PACRG: variants seen among roughly 807,000 people sequenced by gnomAD.
The protein encoded by PACRG is parkin coregulated, also known as parkin coregulated gene protein.
In PACRG, 29 loss-of-function variants were observed where a neutral mutation model predicts 29.7. That is an observed-to-expected ratio of 0.98 (90% CI 0.73 to 1.33). The LOEUF (loss-of-function observed/expected upper bound fraction) is 1.33. Among genes scored for constraint, PACRG ranks in the 40% most tolerant of loss-of-function variants. The pLI, the probability that PACRG is intolerant of heterozygous loss-of-function variation, is 0.00. For synonymous variants in PACRG, 116 were observed against 118.7 expected, an observed-to-expected ratio of 0.98 and a Z score of 0.15; for missense variants, 279 against 316.2, an observed-to-expected ratio of 0.88 and a Z score of 0.89.
intron 4 of PACRG, among the ~76,000 whole-genome samples, chr6:163,123,408 T>C (rs185600375): frequency 5.8e-4 from 88 of 152,368 alleles, no homozygotes; most frequent in Middle Eastern, 3.4e-3. Flanking sequence ...TTTTTCAAGC[T>C]GCTTTCTGTT....
At chr6:162,999,182 T>G (rs982125142) in intron 2 of PACRG, among the ~76,000 whole-genome samples, 1 of 152,122 alleles carries the variant, frequency 6.6e-6, no homozygotes, top group Non-Finnish European at 1.5e-5. Context: ...TGGGCAGAAA[T>G]AAACATAAAT....
intron 2 of PACRG, among the ~76,000 whole-genome samples, chr6:162,986,707 G>T (rs1322417914): frequency 2.0e-5 from 3 of 152,054 alleles, no homozygotes; most frequent in Admixed American, 2.0e-4. Context: ...ATGATAATTA[G>T]ATAGGACTTT....
At chr6:162,798,034 T>A (rs1360448830) in intron 1 of PACRG, among the ~76,000 whole-genome samples, 2 of 152,160 alleles carry the variant, frequency 1.3e-5, no homozygotes, top group African/African-American at 4.8e-5. Flanking sequence ...AATTAGTAAG[T>A]TTTGCTGCTC....
At chr6:162,816,986 G>A (rs1364833586) in intron 2 of PACRG, among the ~76,000 whole-genome samples, 1 of 152,094 alleles carries the variant, frequency 6.6e-6, no homozygotes, top group East Asian at 1.9e-4. Flanking sequence ...CGAGGATACC[G>A]GCCCTCTCTC....
At chr6:163,226,920 G>T (rs1326203998) in intron 4 of PACRG, among the ~76,000 whole-genome samples, 2 of 152,164 alleles carry the variant, frequency 1.3e-5, no homozygotes, top group African/African-American at 4.8e-5. Flanking sequence ...ATCCTTTGTA[G>T]TTCATAAGTG....
chr6:163,122,956 G>T (rs911506313), intron 4 of PACRG, among the ~76,000 whole-genome samples: 2 of 152,016 alleles, frequency 1.3e-5, no homozygotes, highest in Non-Finnish European at 2.9e-5. Context: ...GAAACACCAG[G>T]GTCCTTTGTC....
intron 2 of PACRG, among the ~76,000 whole-genome samples, chr6:162,982,192 T>G (rs370637157): frequency 1.7e-4 from 26 of 152,052 alleles, no homozygotes; most frequent in African/African-American, 4.6e-4. Flanking sequence ...CTTCTTTTCT[T>G]CTTGGTTAAC....
chr6:163,057,712 C>T (rs1359178211), intron 2 of PACRG, among the ~76,000 whole-genome samples: 1 of 152,190 alleles, frequency 6.6e-6, no homozygotes, highest in Non-Finnish European at 1.5e-5. Flanking sequence ...GGCTAGGAGC[C>T]AAGCCAAGGA....
chr6:162,778,026 A>G (rs1280756440), intron 1 of PACRG, among the ~76,000 whole-genome samples: 2 of 152,186 alleles, frequency 1.3e-5, no homozygotes, highest in Non-Finnish European at 2.9e-5. Flanking sequence ...CAGGCCTCAC[A>G]GAGCACACAG....
At chr6:163,123,338 C>G (rs941042088) in intron 4 of PACRG, among the ~76,000 whole-genome samples, 4 of 152,218 alleles carry the variant, frequency 2.6e-5, no homozygotes, top group African/African-American at 9.6e-5. Context: ...CGGGAACCGC[C>G]ATGTCGGGTG....
intron 2 of PACRG, among the ~76,000 whole-genome samples, chr6:162,994,770 TC>T (rs1167243790): frequency 6.6e-6 from 1 of 150,534 alleles, no homozygotes; most frequent in Non-Finnish European, 1.5e-5. Context: ...CCAGCTTTGT[TC>T]CGTTGCTGGT....
intron 2 of PACRG, among the ~76,000 whole-genome samples, chr6:163,016,690 T>A (rs191501008): frequency 6.6e-6 from 1 of 152,228 alleles, no homozygotes; most frequent in Admixed American, 6.5e-5. Flanking sequence ...ATGAGAGCAT[T>A]TTCATCTTTC....
At chr6:162,739,950 T>A in intron 1 of PACRG, among the ~76,000 whole-genome samples, 1 of 152,338 alleles carries the variant, frequency 6.6e-6, no homozygotes, top group South Asian at 2.1e-4. Context: ...CACACATACA[T>A]TGTTAATTAT....
intron 4 of PACRG, among the ~76,000 whole-genome samples, chr6:163,208,392 A>G (rs1253008556): frequency 1.3e-5 from 2 of 148,768 alleles, no homozygotes; most frequent in African/African-American, 5.1e-5. Flanking sequence ...TGCAGAGATC[A>G]GAATCTAAGC....
rs186611875 is a variant in PACRG at position 162,751,507 on chromosome 6, G to A, written c.156+23116G>A. 4.7e-3 allele frequency among the ~76,000 whole-genome samples: 716 copies of A among 151,958 alleles called. 1 individual carries two copies. Among genetic ancestry groups the A allele is most frequent in the Middle Eastern group, 0.017 (5 of 294 alleles). Reference sequence around the variant, plus strand: ...TTTTTTTTGTAAGACATGATAAAAAGTATGAGTTTTCTATAAAATCAAGTT... The same window carrying A: ...TTTTTTTTGTAAGACATGATAAAAAATATGAGTTTTCTATAAAATCAAGTT... On this transcript the variant is annotated intron_variant, in intron 1 of 4. Coordinates refer to ENST00000366888, the MANE Select transcript of PACRG (RefSeq NM_001080379.2).
chr6:163,195,893 C>T (rs977712643), intron 4 of PACRG, among the ~76,000 whole-genome samples: 3 of 152,210 alleles, frequency 2.0e-5, no homozygotes, highest in East Asian at 3.9e-4. Flanking sequence ...CCTCCCAGCT[C>T]GGGATCTCTC....
At chr6:163,112,836 C>T (rs1403003310) in intron 4 of PACRG, among the ~76,000 whole-genome samples, 1 of 152,122 alleles carries the variant, frequency 6.6e-6, no homozygotes, top group Non-Finnish European at 1.5e-5. Flanking sequence ...CAACAAAAAT[C>T]ACAAGGCATA....
intron 1 of PACRG, among the ~76,000 whole-genome samples, chr6:162,766,338 G>T (rs1043356186): frequency 6.6e-6 from 1 of 151,966 alleles, no homozygotes; most frequent in Non-Finnish European, 1.5e-5. Context: ...GGCTTATTTC[G>T]CTTGATGTTT....
At chr6:163,063,561 A>G (rs539432074) in intron 3 of PACRG, among the ~76,000 whole-genome samples, 1 of 152,296 alleles carries the variant, frequency 6.6e-6, no homozygotes, top group East Asian at 1.9e-4. Flanking sequence ...ATTCATTCGA[A>G]TTTATCCATT....
Sources: allele counts gnomAD v4.1 joint callset (sites outside exome capture counted in the v4.1 genomes callset), GRCh38; gene constraint gnomAD v4.1.1; transcripts MANE v1.5; gene names NCBI Gene and HGNC (gene_info 2026-07-23, HGNC 2026-07-21).